Variants in KDM4A observed in about 807,000 individuals in gnomAD.
The protein encoded by KDM4A is lysine demethylase 4A, also known as lysine-specific demethylase 4A.
Under a neutral mutation model 127.1 loss-of-function variants are expected in KDM4A, and 23 were observed. The ratio of observed to expected loss-of-function variants is 0.18; its 90% CI spans 0.13 to 0.26. The LOEUF (loss-of-function observed/expected upper bound fraction) is 0.26, where lower values mean the gene tolerates loss of function less well. Among genes scored for constraint, KDM4A ranks in the 10% least tolerant of loss-of-function variants. KDM4A has a pLI of 1.00. For missense variants in KDM4A, 890 were observed against 1,329.1 expected (o/e 0.67, Z 5.14); for synonymous variants, 443 against 466.5 (o/e 0.95, Z 0.65).
At chr1:43,666,883 T>G in intron 7 of KDM4A, 71 bp from the exon 8 acceptor site, 3 of 1,515,488 alleles carry the variant, frequency 2.0e-6, no homozygotes, top group Non-Finnish European at 2.7e-6. Flanking sequence ...TAAGTTGTGG[T>G]GGAGCTCAGA....
intron 11 of KDM4A, among the ~76,000 whole-genome samples, chr1:43,680,983 T>G (rs1190841936): frequency 6.6e-6 from 1 of 152,206 alleles, no homozygotes; most frequent in East Asian, 1.9e-4. Context: ...GCTTTGCCTA[T>G]AAAGCCAAGC....
intron 2 of KDM4A, 127 bp from the exon 3 acceptor site, chr1:43,655,464 G>A: frequency 1.3e-6 from 1 of 790,520 alleles, no homozygotes; most frequent in Non-Finnish European, 2.0e-6. Context: ...TTTGGTGAAT[G>A]TGGGTAAATC....
Position 43,667,833 on chromosome 1 carries a change from C to A in KDM4A, c.977C>A (p.Pro326Gln). 1.9e-6 allele frequency: 3 copies of A among 1,614,146 alleles called. No homozygotes were observed. The highest frequency in any genetic ancestry group is 2.5e-6 in the Non-Finnish European group (3 of 1,180,030). ...GATGTGTTTGTGAGAAAGTTCCAGC[C>A]AGAAAGGTACAAACTTTGGAAAGCT... ...SMDVFVRKFQ[P>Q]ERYKLWKAGK... The change falls in exon 9 of 22, where the codon CCA becomes CAA. Residue 326 changes from proline (P) to glutamine (Q), a missense_variant. Around this residue, in one of 7 missense-constraint regions of KDM4A, gnomAD observed 141 missense variants for 273.5 expected, o/e 0.52. Transcript: ENST00000372396.
intron 11 of KDM4A, among the ~76,000 whole-genome samples, chr1:43,675,932 G>A (rs1176410180): frequency 6.6e-6 from 1 of 151,922 alleles, no homozygotes; most frequent in Non-Finnish European, 1.5e-5. Context: ...AATTAGCTGG[G>A]TGTGGTGGCG....
intron 10 of KDM4A, among the ~76,000 whole-genome samples, chr1:43,670,560 T>TA (rs1313986645): frequency 7.2e-6 from 1 of 138,662 alleles, no homozygotes; most frequent in African/African-American, 2.7e-5. Context: ...TGGCTAATTT[T>TA]TTTTTTTTTT....
intron 11 of KDM4A, 115 bp from the exon 12 acceptor site, chr1:43,683,569 T>C: frequency 8.2e-7 from 1 of 1,219,234 alleles, no homozygotes; most frequent in South Asian, 1.5e-5. Context: ...TTTGGTATTA[T>C]ATGTCTTTTT....
intron 5 of KDM4A, among the ~76,000 whole-genome samples, chr1:43,663,650 G>T (rs568773923): frequency 1.3e-5 from 2 of 151,584 alleles, no homozygotes; most frequent in African/African-American, 2.4e-5. Flanking sequence ...TTGAGACAGG[G>T]TCTCACTCTG....
intron 11 of KDM4A, among the ~76,000 whole-genome samples, chr1:43,677,114 G>T (rs943394992): frequency 6.6e-6 from 1 of 152,126 alleles, no homozygotes; most frequent in Non-Finnish European, 1.5e-5. Context: ...GGGAGGCCGA[G>T]GGGGTGGATC....
At chr1:43,666,635 C>T in intron 7 of KDM4A, 80 bp downstream of exon 7, 1 of 1,156,898 alleles carries the variant, frequency 8.6e-7, no homozygotes, top group Non-Finnish European at 1.3e-6. Context: ...TAGTTCATCA[C>T]TATACCAAGA....
intron 1 of KDM4A, 68 bp from the exon 2 acceptor site, chr1:43,653,069 A>G: frequency 1.3e-6 from 1 of 756,902 alleles, no homozygotes; most frequent in Non-Finnish European, 2.0e-6. Flanking sequence ...TACTGTTTTC[A>G]GAGTTGATGT....
intron 11 of KDM4A, among the ~76,000 whole-genome samples, chr1:43,677,710 G>A (rs1660773891): frequency 6.6e-6 from 1 of 152,176 alleles, no homozygotes; most frequent in Admixed American, 6.5e-5. Context: ...GATTTTGAGG[G>A]GGAGGAAGAA....
At chr1:43,686,257 C>T (rs571102352) in intron 12 of KDM4A, among the ~76,000 whole-genome samples, 2 of 144,754 alleles carry the variant, frequency 1.4e-5, no homozygotes, top group Admixed American at 7.1e-5. Context: ...CTCCTGGTCT[C>T]GAACTCCTGA....
intron 18 of KDM4A, among the ~76,000 whole-genome samples, chr1:43,696,179 C>G (rs116324511): frequency 0.01 from 1,582 of 152,230 alleles, 14 homozygotes; most frequent in Non-Finnish European, 0.016. Context: ...GAAAGTGAAG[C>G]AAGCCAGTGG....
chr1:43,656,874 C>T (rs906338550), intron 3 of KDM4A, among the ~76,000 whole-genome samples: 3 of 151,720 alleles, frequency 2.0e-5, no homozygotes, highest in African/African-American at 2.4e-5. Context: ...TACATACAGG[C>T]GCCTGCCACC....
intron 9 of KDM4A, among the ~76,000 whole-genome samples, 188 bp from the exon 10 acceptor site, chr1:43,668,912 A>G (rs962100109): frequency 1.3e-5 from 2 of 152,200 alleles, no homozygotes; most frequent in African/African-American, 4.8e-5. Flanking sequence ...TATTTTCCAG[A>G]TGATTGAACA....
Position 43,694,469 on chromosome 1 carries a change from T to C in KDM4A, c.2485-240T>C, listed in dbSNP as rs958255702. On this transcript the variant is annotated intron_variant, in intron 17 of 21. Coordinates refer to ENST00000372396, the MANE Select transcript of KDM4A (RefSeq NM_014663.3). This position sits in a 1 kb window ranked among gnomAD's most constrained non-coding sequence, Gnocchi z 5.2. ...AGGCGGAGGTTGCAGTGAGCCGATA[T>C]TGTGTCACTGCACTCCAGCCTGGGT... Among the ~76,000 whole-genome samples the C allele has an allele frequency of 6.6e-6, 1 of 151,136 alleles. No individual in the cohort carries two copies. Among genetic ancestry groups the C allele is most frequent in the Non-Finnish European group, 1.5e-5 (1 of 67,900 alleles).
At chr1:43,658,470 G>T (rs1382287309) in intron 3 of KDM4A, among the ~76,000 whole-genome samples, 1 of 150,472 alleles carries the variant, frequency 6.6e-6, no homozygotes, top group Non-Finnish European at 1.5e-5. Context: ...TCCCTAGGTT[G>T]ACATTAAAGT....
chr1:43,661,608 CAAAAAAA>C (rs34131801), intron 4 of KDM4A, among the ~76,000 whole-genome samples: 2 of 40,854 alleles, frequency 4.9e-5, no homozygotes, highest in African/African-American at 1.3e-4. Flanking sequence ...GACTCTGTCT[CAAAAAAA>C]AAAAAAAAAA....
chr1:43,701,017 G>C (rs986069078), intron 19 of KDM4A, among the ~76,000 whole-genome samples: 3 of 151,804 alleles, frequency 2.0e-5, no homozygotes, highest in Non-Finnish European at 4.4e-5. Context: ...CCACCTACCG[G>C]GTTCAAGCGA....
Sources: gnomAD v4.1 joint callset for allele counts (sites outside exome capture counted in the v4.1 genomes callset) on GRCh38, gnomAD v4.1.1 for gene constraint, gnomAD v4.1.1 regional missense constraint, Gnocchi (gnomAD v3.1) non-coding constraint, MANE v1.5 for transcripts, NCBI Gene and HGNC (gene_info 2026-07-23, HGNC 2026-07-21) for gene names.